Variants in MAPRE2 observed in about 807,000 individuals in gnomAD.
MAPRE2 encodes microtubule-associated protein RP/EB family member 2.
Under a neutral mutation model 43.2 loss-of-function variants are expected in MAPRE2, and 13 were observed. The observed-to-expected ratio is 0.30, with a 90% CI of 0.20 to 0.48. The LOEUF (loss-of-function observed/expected upper bound fraction) is 0.48. MAPRE2 is among the 20% of genes least tolerant of loss of function. The pLI is 0.99. For missense variants in MAPRE2, 161 were observed against 400.2 expected, an observed-to-expected ratio of 0.40 and a Z score of 5.10; for synonymous variants, 135 against 148.8, an observed-to-expected ratio of 0.91 and a Z score of 0.68.
At chr18:35,115,579 T>C (rs1909376182) in intron 4 of MAPRE2, among the ~76,000 whole-genome samples, 1 of 152,066 alleles carries the variant, frequency 6.6e-6, no homozygotes, top group Admixed American at 6.5e-5. Context: ...TGCCTTTGCA[T>C]CCTCATAGCT....
chr18:35,143,388 G>GT lies in MAPRE2; in HGVS notation c.*3025dup, dbSNP rs1465522291. The GT allele has an allele frequency of 2.0e-5, 3 of 151,998 alleles. No individual in the cohort carries two copies. The highest frequency in any genetic ancestry group is 7.2e-5 in the African/African-American group (3 of 41,408). The allele number at this position is 151,998 out of a possible 1,614,324, so 9.4% of individuals were successfully genotyped here. ...CCACCTATTGTCGCATGGTAGAATA[G>GT]TTTTTTGTCTCTGAATATGTGAATA... is the stretch of plus-strand genomic sequence containing the variant. On this transcript the variant is annotated 3_prime_UTR_variant, in exon 7 of 7. Transcript: ENST00000300249.
chr18:35,001,445 C>T (rs967649591), intron 1 of MAPRE2, among the ~76,000 whole-genome samples: 1 of 150,586 alleles, frequency 6.6e-6, no homozygotes, highest in African/African-American at 2.5e-5. Context: ...ACCCTGGAGA[C>T]GGAAGTTGCA....
intron 5 of MAPRE2, among the ~76,000 whole-genome samples, chr18:35,131,545 G>A (rs1440581000): frequency 6.6e-6 from 1 of 152,124 alleles, no homozygotes; most frequent in East Asian, 1.9e-4. Flanking sequence ...GCTCGATTGG[G>A]CCTCTTATCA....
At chr18:35,042,202 G>A (rs1905403202) in intron 1 of MAPRE2, among the ~76,000 whole-genome samples, 1 of 152,170 alleles carries the variant, frequency 6.6e-6, no homozygotes, top group African/African-American at 2.4e-5. Flanking sequence ...GACAGCAGAG[G>A]TGATAGTGTC....
At chr18:35,008,463 G>A (rs1426278877) in intron 2 of MAPRE2, among the ~76,000 whole-genome samples, 2 of 151,988 alleles carry the variant, frequency 1.3e-5, no homozygotes, top group East Asian at 1.9e-4. Flanking sequence ...GTCTTCTCAC[G>A]GGCATTCCTA....
At chr18:35,016,052 T>C (rs2097038036) in intron 2 of MAPRE2, among the ~76,000 whole-genome samples, 1 of 151,978 alleles carries the variant, frequency 6.6e-6, no homozygotes, top group Non-Finnish European at 1.5e-5. Flanking sequence ...TATGTGGTAT[T>C]GGTTTTCTAT....
rs1268657522 is a variant in MAPRE2, at chr18:35,143,264, G to A, written c.*2895G>A. ...TTATATATTAAATGTAAACTGAAAGGAATGTAAACATATGTATTGTTAATT... is the reference window on the plus strand; with the variant it reads ...TTATATATTAAATGTAAACTGAAAGAAATGTAAACATATGTATTGTTAATT... On this transcript the variant is annotated 3_prime_UTR_variant, in exon 7 of 7. Transcript: ENST00000300249. The A allele has an allele frequency of 6.6e-6, 1 of 151,854 alleles. No individual in the cohort carries two copies. The highest frequency in any genetic ancestry group is 1.5e-5 in the Non-Finnish European group (1 of 67,970). 9.4% of individuals were successfully genotyped at this position (151,854 alleles called of 1,614,324 possible).
chr18:34,988,100 T>C (rs1603386669), intron 1 of MAPRE2, among the ~76,000 whole-genome samples: 1 of 152,322 alleles, frequency 6.6e-6, no homozygotes, highest in East Asian at 1.9e-4. Flanking sequence ...TATTGTAACT[T>C]ACAGAACAGT....
At chr18:35,118,997 C>T (rs989768161) in intron 4 of MAPRE2, among the ~76,000 whole-genome samples, 1 of 152,188 alleles carries the variant, frequency 6.6e-6, no homozygotes, top group Non-Finnish European at 1.5e-5. Flanking sequence ...CTGCAACTGG[C>T]ATGTTCCCTG....
intron 2 of MAPRE2, among the ~76,000 whole-genome samples, chr18:35,032,069 TAC>T (rs2097048114): frequency 6.6e-6 from 1 of 152,164 alleles, no homozygotes; most frequent in Non-Finnish European, 1.5e-5. Flanking sequence ...GCCAACCATA[TAC>T]TTTTTCACTG....
At chr18:35,020,669 C>T (rs894930913) in intron 2 of MAPRE2, among the ~76,000 whole-genome samples, 1 of 152,092 alleles carries the variant, frequency 6.6e-6, no homozygotes, top group Admixed American at 6.5e-5. Context: ...TCTAACCACT[C>T]TTGCCTCCTA....
chr18:35,096,754 A>T (rs1226685435), intron 2 of MAPRE2, among the ~76,000 whole-genome samples: 2 of 152,024 alleles, frequency 1.3e-5, no homozygotes, highest in African/African-American at 2.4e-5. Flanking sequence ...AGTATAAGTA[A>T]TAGGTAATAA....
chr18:35,010,494 C>A (rs1170757009), intron 2 of MAPRE2, among the ~76,000 whole-genome samples: 1 of 152,210 alleles, frequency 6.6e-6, no homozygotes. Flanking sequence ...TTGTTGGGTG[C>A]ATCATGGACA....
intron 1 of MAPRE2, among the ~76,000 whole-genome samples, chr18:35,004,733 C>G (rs1370018407): frequency 6.6e-6 from 1 of 152,080 alleles, no homozygotes; most frequent in African/African-American, 2.4e-5. Flanking sequence ...CTGGCTAACA[C>G]GGTGAAACAC....
intron 2 of MAPRE2, among the ~76,000 whole-genome samples, chr18:35,034,815 C>A (rs961846557): frequency 2.6e-5 from 4 of 152,192 alleles, no homozygotes; most frequent in African/African-American, 9.7e-5. Context: ...CAATGAGATA[C>A]CATCTCACGC....
At chr18:35,038,558 G>T (rs956054304), upstream of MAPRE2, among the ~76,000 whole-genome samples, 2 of 152,162 alleles carry the variant, frequency 1.3e-5, no homozygotes, top group African/African-American at 4.8e-5. Context: ...CCTGAAGCTG[G>T]GAGGCCCTTC....
chr18:35,103,393 T>G (rs1446069871), intron 4 of MAPRE2, among the ~76,000 whole-genome samples: 1 of 152,160 alleles, frequency 6.6e-6, no homozygotes, highest in Non-Finnish European at 1.5e-5. Flanking sequence ...TGGAAGGATT[T>G]GGGGTTTTGT....
At chr18:34,981,105 T>C (rs1451174178) in intron 1 of MAPRE2, among the ~76,000 whole-genome samples, 1 of 150,866 alleles carries the variant, frequency 6.6e-6, no homozygotes, top group Non-Finnish European at 1.5e-5. Context: ...AGAGATAAAG[T>C]AGTTTAGAAA....
intron 1 of MAPRE2, among the ~76,000 whole-genome samples, chr18:34,982,032 C>A (rs1051329543): frequency 3.3e-5 from 5 of 151,700 alleles, no homozygotes; most frequent in Admixed American, 2.0e-4. Flanking sequence ...CTACAGCCCC[C>A]GCCACCACAC....
Sources: gnomAD v4.1 joint callset for allele counts (sites outside exome capture counted in the v4.1 genomes callset) on GRCh38, gnomAD v4.1.1 for gene constraint, MANE v1.5 for transcripts, NCBI Gene and HGNC (gene_info 2026-07-23, HGNC 2026-07-21) for gene names.